NTNG1: variants seen among roughly 807,000 people sequenced by gnomAD.
NTNG1 encodes netrin-G1.
Under a neutral mutation model 54.0 loss-of-function variants are expected in NTNG1, and 16 were observed. The observed-to-expected ratio is 0.30, with a 90% CI of 0.20 to 0.45. The LOEUF (loss-of-function observed/expected upper bound fraction) is 0.45. Ranked by LOEUF, NTNG1 falls within the 20% of genes least tolerant of loss-of-function variation. The pLI is 1.00. For synonymous variants in NTNG1, 255 were observed against 263.1 expected (o/e 0.97, Z 0.30); for missense variants, 530 against 678.7 (o/e 0.78, Z 2.43).
intron 3 of NTNG1, among the ~76,000 whole-genome samples, chr1:107,344,739 A>G (rs1395590060): frequency 6.6e-6 from 1 of 152,102 alleles, no homozygotes; most frequent in African/African-American, 2.4e-5. Context: ...TTATACTGTC[A>G]GTGTCCTCAA....
In NTNG1 at chr1:107,480,774, G is replaced by T. The variant is rs1251440724; in HGVS notation, c.1554G>T (p.Pro518=). 2 of 1,601,754 alleles carry T rather than the reference G, an allele frequency of 1.2e-6. No homozygotes were observed. The highest frequency in any genetic ancestry group is 1.7e-6 in the Non-Finnish European group (2 of 1,175,668). ...CGSDSGQGAP[P]HGSPALLLLT... ...CCGACTCTGGCCAGGGCGCGCCCCC[G>T]CACGGCTCCCCAGCGCTGCTGCTGC... Residue 518 remains proline, a synonymous_variant, in exon 8 of 8, where the codon CCG becomes CCT. Coordinates refer to ENST00000370068, the MANE Select transcript of NTNG1 (RefSeq NM_001113226.3).
At chr1:107,396,429 T>C (rs1672688165) in intron 4 of NTNG1, among the ~76,000 whole-genome samples, 2 of 152,082 alleles carry the variant, frequency 1.3e-5, no homozygotes, top group South Asian at 2.1e-4. Flanking sequence ...CAGAAAGAAA[T>C]CCTTCAAAAG....
In NTNG1 at chr1:107,169,460, A is replaced by G. The variant is rs574822481; in HGVS notation, c.246+20621A>G. Among the ~76,000 whole-genome samples the G allele has an allele frequency of 5.3e-4, 80 of 152,042 alleles. 1 individual carries two copies. The highest frequency in any genetic ancestry group is 4.6e-4 in the Admixed American group (7 of 15,252). On this transcript the variant is annotated intron_variant, in intron 2 of 7. Coordinates refer to ENST00000370068, the MANE Select transcript of NTNG1 (RefSeq NM_001113226.3). ...CATTAGATCCACTTAGTAATTTCTC[A>G]TTTGCTGGTCCTTAGAGCTCTCCTT...
At chr1:107,234,507 G>A (rs1661276201) in intron 2 of NTNG1, among the ~76,000 whole-genome samples, 2 of 152,024 alleles carry the variant, frequency 1.3e-5, no homozygotes, top group South Asian at 2.1e-4. Flanking sequence ...GGCAAGCACT[G>A]TTCTAAATAC....
chr1:107,143,266 G>T (rs1248717448), intron 1 of NTNG1: 6 of 152,076 alleles, frequency 3.9e-5, no homozygotes, highest in African/African-American at 1.4e-4. Flanking sequence ...TAATATTTTT[G>T]TTTTGTCAGT....
chr1:107,408,117 A>G (rs1223054497), intron 5 of NTNG1: 2 of 326,792 alleles, frequency 6.1e-6, no homozygotes, highest in African/African-American at 2.2e-5. Flanking sequence ...ATGAAAGCCA[A>G]TGAATGCCTT....
intron 2 of NTNG1, among the ~76,000 whole-genome samples, chr1:107,307,415 C>T (rs12049511): frequency 0.076 from 11,582 of 152,110 alleles, 665 homozygotes; most frequent in East Asian, 0.2. Context: ...TAATTTCTGA[C>T]TTGTATTGAG....
At chr1:107,454,395 A>G (rs567118591) in intron 7 of NTNG1, among the ~76,000 whole-genome samples, 2 of 152,326 alleles carry the variant, frequency 1.3e-5, no homozygotes, top group Non-Finnish European at 2.9e-5. Flanking sequence ...GTTTACTTGC[A>G]TGCAGAGGAG....
At chr1:107,196,528 C>T (rs1658345097) in intron 2 of NTNG1, among the ~76,000 whole-genome samples, 2 of 151,914 alleles carry the variant, frequency 1.3e-5, no homozygotes, top group South Asian at 4.1e-4. Context: ...GACTCGGAGT[C>T]CTTGGGTCCT....
At chr1:107,407,634 A>G (rs538626295) in intron 4 of NTNG1, 48 bp from the exon 5 acceptor site, 6 of 1,438,882 alleles carry the variant, frequency 4.2e-6, no homozygotes, top group Non-Finnish European at 5.8e-6. Flanking sequence ...GATGTTATGT[A>G]CTAATAAATA....
chr1:107,453,269 T>C (rs957762217), intron 7 of NTNG1, among the ~76,000 whole-genome samples: 1 of 152,214 alleles, frequency 6.6e-6, no homozygotes, highest in African/African-American at 2.4e-5. Flanking sequence ...ATACTTCTTT[T>C]TCATCAAGAA....
At chr1:107,307,726 A>G (rs945211236) in intron 2 of NTNG1, among the ~76,000 whole-genome samples, 3 of 152,160 alleles carry the variant, frequency 2.0e-5, no homozygotes, top group Non-Finnish European at 4.4e-5. Flanking sequence ...ACTAGTTTCC[A>G]TCTAACAAGG....
At chr1:107,166,420 G>A (rs745717762) in intron 2 of NTNG1, among the ~76,000 whole-genome samples, 28 of 151,926 alleles carry the variant, frequency 1.8e-4, no homozygotes, top group Non-Finnish European at 4.1e-4. Context: ...CTTATACTTC[G>A]CTTCATCTCT....
intron 6 of NTNG1, among the ~76,000 whole-genome samples, chr1:107,432,886 T>C (rs948701122): frequency 5.3e-5 from 8 of 152,124 alleles, no homozygotes; most frequent in African/African-American, 1.7e-4. Context: ...TTTTTTCCAG[T>C]TCTGAAGTAA....
intron 2 of NTNG1, among the ~76,000 whole-genome samples, chr1:107,248,516 G>T (rs72699322): frequency 6.6e-6 from 1 of 152,068 alleles, no homozygotes; most frequent in Non-Finnish European, 1.5e-5. Flanking sequence ...ATTACCTAGC[G>T]TACTTTCACT....
At chr1:107,201,793 C>T (rs1037396852) in intron 2 of NTNG1, among the ~76,000 whole-genome samples, 25 of 151,972 alleles carry the variant, frequency 1.6e-4, no homozygotes, top group African/African-American at 5.5e-4. Flanking sequence ...TTTCTTCAGG[C>T]ACATTAAATA....
intron 7 of NTNG1, among the ~76,000 whole-genome samples, chr1:107,444,273 A>C (rs1029188652): frequency 3.9e-5 from 6 of 152,068 alleles, no homozygotes; most frequent in Non-Finnish European, 7.4e-5. Flanking sequence ...ACCTGATGCT[A>C]CCTCTGAGCA....
At position 107,360,956 on chromosome 1, in the gene NTNG1, A is replaced by T. The variant is rs549908792; in HGVS notation, c.888-34198A>T. On this transcript the variant is annotated intron_variant, in intron 3 of 7. Coordinates refer to ENST00000370068, the MANE Select transcript of NTNG1 (RefSeq NM_001113226.3). ...TTATTGATTTGTATACATGACACAT[A>T]AATCTGCTTCTCGTGTAACTGCTAT... 2.6e-5 allele frequency among the ~76,000 whole-genome samples: 4 copies of T among 152,014 alleles called. No individual in the cohort carries two copies. In the East Asian group the frequency reaches 7.7e-4, roughly 29 times the overall value.
chr1:107,477,940 C>T (rs1678436266), intron 7 of NTNG1, among the ~76,000 whole-genome samples: 1 of 152,128 alleles, frequency 6.6e-6, no homozygotes, highest in Non-Finnish European at 1.5e-5. Context: ...TTTATCATCC[C>T]AGCCAGATTT....
Sources: allele counts gnomAD v4.1 joint callset (sites outside exome capture counted in the v4.1 genomes callset), GRCh38; gene constraint gnomAD v4.1.1; transcripts MANE v1.5; gene names NCBI Gene and HGNC (gene_info 2026-07-23, HGNC 2026-07-21).